Variants in AUTS2 observed in about 807,000 individuals in gnomAD.
The protein encoded by AUTS2 is activator of transcription and developmental regulator AUTS2.
Under a neutral mutation model 112.4 loss-of-function variants are expected in AUTS2, and 17 were observed. That is an observed-to-expected ratio of 0.15 (90% CI 0.10 to 0.23). The LOEUF is 0.23. Among genes scored for constraint, AUTS2 ranks in the 10% least tolerant of loss-of-function variants. AUTS2 has a pLI of 1.00. For synonymous variants in AUTS2, 751 were observed against 702.7 expected (o/e 1.07, Z -1.09); for missense variants, 1,510 against 1,701.6 (o/e 0.89, Z 1.98).
intron 4 of AUTS2, among the ~76,000 whole-genome samples, chr7:70,367,883 A>G (rs1792658032): frequency 6.6e-6 from 1 of 152,158 alleles, no homozygotes; most frequent in Admixed American, 6.5e-5. Context: ...GAGAGTAGAG[A>G]CTGGGTTAGA....
intron 1 of AUTS2, among the ~76,000 whole-genome samples, chr7:69,871,960 T>G (rs1399398383): frequency 6.6e-6 from 1 of 152,208 alleles, no homozygotes; most frequent in Non-Finnish European, 1.5e-5. Flanking sequence ...GAGTTCTATG[T>G]TACTGGGACA....
At chr7:69,732,461 G>C (rs1203601986) in intron 1 of AUTS2, among the ~76,000 whole-genome samples, 1 of 152,078 alleles carries the variant, frequency 6.6e-6, no homozygotes, top group Non-Finnish European at 1.5e-5. Flanking sequence ...GCAAACAATG[G>C]AGTGCTGGCT....
At chr7:70,245,169 T>TATATATATATAA (rs1317610996) in intron 4 of AUTS2, among the ~76,000 whole-genome samples, 1 of 118,628 alleles carries the variant, frequency 8.4e-6, no homozygotes, top group African/African-American at 3.3e-5. Context: ...TATATATATA[T>TATATATATATAA]AAAAAATAAA....
intron 4 of AUTS2, among the ~76,000 whole-genome samples, chr7:70,274,712 T>C (rs1339684556): frequency 6.6e-6 from 1 of 152,168 alleles, no homozygotes; most frequent in Admixed American, 6.5e-5. Flanking sequence ...ATCGGAATGG[T>C]AGAGACGGAA....
chr7:69,736,366 T>C (rs542288866), intron 1 of AUTS2, among the ~76,000 whole-genome samples: 1 of 152,340 alleles, frequency 6.6e-6, no homozygotes, highest in Non-Finnish European at 1.5e-5. Context: ...TGATTTGCTT[T>C]GACTTGGGTA....
In AUTS2 at chr7:70,698,632, T is replaced by G; in HGVS notation, c.742+12T>G. 6.3e-7 allele frequency: 1 copy of G among 1,596,968 alleles called. No individual in the cohort carries two copies. Among genetic ancestry groups the G allele is most frequent in the Non-Finnish European group, 8.5e-7 (1 of 1,170,288 alleles). ...TATTGTAAACAAAGGTAAGACCCAT[T>G]CATTCTCCTGAGTAATGGCTTATTT... On this transcript the variant is annotated intron_variant, in intron 6 of 18. Transcript: ENST00000342771.
chr7:70,351,639 G>A (rs1791769972), intron 4 of AUTS2, among the ~76,000 whole-genome samples: 1 of 152,148 alleles, frequency 6.6e-6, no homozygotes, highest in Non-Finnish European at 1.5e-5. Context: ...CCTCCTAACA[G>A]TATACAAGTA....
At chr7:69,997,809 T>A (rs1406728312) in intron 2 of AUTS2, among the ~76,000 whole-genome samples, 1 of 152,188 alleles carries the variant, frequency 6.6e-6, no homozygotes, top group Non-Finnish European at 1.5e-5. Flanking sequence ...GTTGTCATAT[T>A]TCAACATGAG....
Position 70,385,558 on chromosome 7 carries a change from A to G in AUTS2, c.661-50194A>G, listed in dbSNP as rs189252784. On this transcript the variant is annotated intron_variant, in intron 4 of 18. Coordinates refer to ENST00000342771, the MANE Select transcript of AUTS2 (RefSeq NM_015570.4). Reference sequence around the variant, plus strand: ...TTAAAGCAAATTAGAAAATAGTCTCATGAGACCAAGGACTTTATAAAGTAT... The same window carrying G: ...TTAAAGCAAATTAGAAAATAGTCTCGTGAGACCAAGGACTTTATAAAGTAT... 2.5e-3 allele frequency among the ~76,000 whole-genome samples: 383 copies of G among 152,278 alleles called. 6 individuals are homozygous for G. Among genetic ancestry groups the G allele is most frequent in the Non-Finnish European group, 7.5e-4 (51 of 68,004 alleles).
intron 2 of AUTS2, among the ~76,000 whole-genome samples, chr7:69,970,571 G>A (rs1179606571): frequency 6.6e-6 from 1 of 152,114 alleles, no homozygotes; most frequent in Non-Finnish European, 1.5e-5. Flanking sequence ...GCTTATTAGA[G>A]GAGCCTCCTA....
At chr7:70,327,075 G>A (rs1216932325) in intron 4 of AUTS2, among the ~76,000 whole-genome samples, 2 of 151,924 alleles carry the variant, frequency 1.3e-5, no homozygotes, top group African/African-American at 2.4e-5. Flanking sequence ...CTGCCACTGC[G>A]CCTGGCTAAT....
At chr7:70,238,539 C>T (rs2129599275) in intron 4 of AUTS2, among the ~76,000 whole-genome samples, 1 of 152,298 alleles carries the variant, frequency 6.6e-6, no homozygotes, top group South Asian at 2.1e-4. Flanking sequence ...TCTCACCAGT[C>T]TCCCTTTCCT....
chr7:69,971,360 T>C (rs1243350998), intron 2 of AUTS2, among the ~76,000 whole-genome samples: 8 of 152,224 alleles, frequency 5.3e-5, no homozygotes, highest in Non-Finnish European at 2.9e-5. Context: ...TATCACCTAA[T>C]GTATTTTTCA....
rs1005763424 is a variant in AUTS2, at chr7:70,072,854, A to T, written c.523-45278A>T. 7.9e-5 allele frequency among the ~76,000 whole-genome samples: 12 copies of T among 152,272 alleles called. No individual in the cohort carries two copies. In the South Asian group the frequency reaches 2.3e-3, roughly 29 times the overall value. ...GAGAAAGACAAATATCATTACCCCC[A>T]TTTCAAAGAAGAGTAAGTTCTAATC... On this transcript the variant is annotated intron_variant, in intron 2 of 18. Coordinates refer to ENST00000342771, the MANE Select transcript of AUTS2 (RefSeq NM_015570.4).
intron 1 of AUTS2, among the ~76,000 whole-genome samples, chr7:69,874,816 G>C (rs936618387): frequency 6.6e-6 from 1 of 151,996 alleles, no homozygotes; most frequent in African/African-American, 2.4e-5. Flanking sequence ...GCACCACCAT[G>C]CCCAGCTATT....
chr7:70,024,077 G>T (rs1346185974), intron 2 of AUTS2, among the ~76,000 whole-genome samples: 1 of 152,122 alleles, frequency 6.6e-6, no homozygotes, highest in East Asian at 1.9e-4. Context: ...TGGTTACAAG[G>T]GTGTCATAGA....
At chr7:70,757,005 G>A (rs2129556130) in intron 6 of AUTS2, among the ~76,000 whole-genome samples, 1 of 152,300 alleles carries the variant, frequency 6.6e-6, no homozygotes, top group East Asian at 1.9e-4. Flanking sequence ...AGCCACCAGT[G>A]ACCTGCAGTC....
chr7:70,543,733 T>A (rs1800652857), intron 5 of AUTS2, among the ~76,000 whole-genome samples: 1 of 152,154 alleles, frequency 6.6e-6, no homozygotes, highest in African/African-American at 2.4e-5. Context: ...TTGAGGGGTG[T>A]TTATTGTCTA....
intron 5 of AUTS2, among the ~76,000 whole-genome samples, chr7:70,634,050 C>T (rs1413036932): frequency 6.6e-6 from 1 of 151,966 alleles, no homozygotes; most frequent in Non-Finnish European, 1.5e-5. Flanking sequence ...GTACTAGATC[C>T]ATATCATCAG....
Sources: gnomAD v4.1 joint callset for allele counts (sites outside exome capture counted in the v4.1 genomes callset) on GRCh38, gnomAD v4.1.1 for gene constraint, MANE v1.5 for transcripts, NCBI Gene and HGNC (gene_info 2026-07-23, HGNC 2026-07-21) for gene names.